Variants in MAML2 observed in about 807,000 individuals in gnomAD.
MAML2 encodes the protein mastermind like transcriptional coactivator 2, also known as mastermind-like protein 2.
A neutral mutation model predicts 96.1 loss-of-function variants in MAML2; 22 were observed. The observed-to-expected ratio is 0.23, with a 90% confidence interval of 0.16 to 0.33. The LOEUF is 0.33. MAML2 is among the 10% of genes least tolerant of loss of function. The pLI is 1.00. For synonymous variants in MAML2, 561 were observed against 521.3 expected (o/e 1.08, Z -1.04); for missense variants, 1,367 against 1,392.4 (o/e 0.98, Z 0.29).
intron 1 of MAML2, among the ~76,000 whole-genome samples, chr11:96,103,428 G>T (rs1859967533): frequency 6.6e-6 from 1 of 152,130 alleles, no homozygotes; most frequent in Non-Finnish European, 1.5e-5. Context: ...GCAACTCTTT[G>T]TCCAACTGTA....
chr11:96,337,314 C>T (rs1051760469), intron 1 of MAML2, among the ~76,000 whole-genome samples: 95 of 152,170 alleles, frequency 6.2e-4, no homozygotes, highest in African/African-American at 2.1e-3. Flanking sequence ...CAGCTCTCAA[C>T]TTTTTAATTG....
At chr11:96,263,154 C>A (rs1806219336) in intron 1 of MAML2, among the ~76,000 whole-genome samples, 3 of 152,210 alleles carry the variant, frequency 2.0e-5, no homozygotes, top group Admixed American at 1.3e-4. Context: ...GGTATACTAT[C>A]ACCTCTTTAA....
At chr11:96,097,200 G>A (rs530649303) in intron 1 of MAML2, among the ~76,000 whole-genome samples, 1 of 152,308 alleles carries the variant, frequency 6.6e-6, no homozygotes, top group African/African-American at 2.4e-5. Flanking sequence ...TACTCCAGAA[G>A]CAACAGAGGA....
In MAML2 at chr11:96,326,877, C is replaced by T. The variant is rs546356909; in HGVS notation, c.513+14506G>A. ...TATTTATTGTGAATACAAAATGTGC[C>T]AGGAACCACTAGGGCTTGGAATACT... On this transcript the variant is annotated intron_variant, in intron 1 of 4. Coordinates refer to ENST00000524717, the MANE Select transcript of MAML2 (RefSeq NM_032427.4). 7.8e-4 allele frequency among the ~76,000 whole-genome samples: 119 copies of T among 152,190 alleles called. 1 individual carries two copies. The highest frequency in any genetic ancestry group is 2.7e-3 in the African/African-American group (114 of 41,530).
intron 1 of MAML2, among the ~76,000 whole-genome samples, chr11:96,232,138 G>C (rs2155089): frequency 3.9e-5 from 6 of 152,164 alleles, no homozygotes; most frequent in African/African-American, 1.4e-4. Context: ...GGCAAATTTA[G>C]ATCCCCCCAA....
chr11:96,018,162 A>G, intron 2 of MAML2, among the ~76,000 whole-genome samples: 1 of 152,196 alleles, frequency 6.6e-6, no homozygotes. Context: ...AGTATAGGGA[A>G]GTATAGAGTT....
At chr11:96,060,827 T>C (rs1859146352) in intron 2 of MAML2, among the ~76,000 whole-genome samples, 1 of 152,230 alleles carries the variant, frequency 6.6e-6, no homozygotes. Context: ...GAGTTCTTCC[T>C]TTTAATACTG....
At chr11:96,255,384 G>A (rs1862649171) in intron 1 of MAML2, among the ~76,000 whole-genome samples, 1 of 152,180 alleles carries the variant, frequency 6.6e-6, no homozygotes, top group Non-Finnish European at 1.5e-5. Context: ...CCATTTTACA[G>A]AAGAGGAACT....
intron 1 of MAML2, among the ~76,000 whole-genome samples, chr11:96,219,540 G>A (rs1476950344): frequency 1.3e-5 from 2 of 152,182 alleles, no homozygotes; most frequent in South Asian, 2.1e-4. Context: ...ATGAGCCTAG[G>A]AGTCAGACCA....
At chr11:96,034,432 T>TGTGTGTGTGAGAGAGAGAGAGA (rs549312275) in intron 2 of MAML2, among the ~76,000 whole-genome samples, 4 of 135,656 alleles carry the variant, frequency 2.9e-5, no homozygotes, top group Non-Finnish European at 1.6e-5. Flanking sequence ...TGTGTGTGTG[T>TGTGTGTGTGAGAGAGAGAGAGA]GAGAGAGAGA....
chr11:96,221,877 T>C (rs1356629895), intron 1 of MAML2, among the ~76,000 whole-genome samples: 2 of 152,108 alleles, frequency 1.3e-5, no homozygotes, highest in Non-Finnish European at 2.9e-5. Flanking sequence ...AGCAGGAGCA[T>C]GTGGAGTTTC....
intron 1 of MAML2, among the ~76,000 whole-genome samples, chr11:96,288,778 A>G (rs1863173578): frequency 6.6e-6 from 1 of 152,202 alleles, no homozygotes; most frequent in Non-Finnish European, 1.5e-5. Flanking sequence ...TTATTTTCAG[A>G]AGCACGGCGA....
intron 1 of MAML2, among the ~76,000 whole-genome samples, chr11:96,284,982 G>C (rs1267329067): frequency 6.6e-6 from 1 of 152,120 alleles, no homozygotes; most frequent in Admixed American, 6.6e-5. Context: ...GGATGGAGTT[G>C]TGCAGTGCAT....
chr11:96,018,024 G>T (rs1479416557), intron 2 of MAML2, among the ~76,000 whole-genome samples: 3 of 152,226 alleles, frequency 2.0e-5, no homozygotes, highest in African/African-American at 7.2e-5. Context: ...AGTAAGGAAG[G>T]CTACAGGAAT....
intron 1 of MAML2, among the ~76,000 whole-genome samples, chr11:96,255,865 C>T (rs928039439): frequency 7.7e-5 from 6 of 77,942 alleles, no homozygotes; most frequent in African/African-American, 3.1e-4. Context: ...CCCCCACCGC[C>T]TTTTTTTTTT....
At chr11:96,196,470 A>G (rs1861733308) in intron 1 of MAML2, among the ~76,000 whole-genome samples, 1 of 152,244 alleles carries the variant, frequency 6.6e-6, no homozygotes, top group South Asian at 2.1e-4. Flanking sequence ...ACAGAAAAGG[A>G]GACGTGTAAA....
chr11:96,292,323 AAAG>A (rs1345920753), intron 1 of MAML2, among the ~76,000 whole-genome samples: 2 of 152,224 alleles, frequency 1.3e-5, no homozygotes, highest in Admixed American at 6.5e-5. Flanking sequence ...GACTCCATAA[AAAG>A]AAGAGTTCTG....
intron 2 of MAML2, among the ~76,000 whole-genome samples, chr11:96,000,937 T>C (rs1302095574): frequency 6.6e-6 from 1 of 152,166 alleles, no homozygotes; most frequent in Admixed American, 6.5e-5. Flanking sequence ...AAGGTCAAGC[T>C]TGAAAAAACA....
At chr11:96,282,677 A>G (rs953178376) in intron 1 of MAML2, among the ~76,000 whole-genome samples, 3 of 152,194 alleles carry the variant, frequency 2.0e-5, no homozygotes, top group Non-Finnish European at 2.9e-5. Context: ...CTGTTTTGAC[A>G]ATATAGCCAA....
Sources: allele counts gnomAD v4.1 joint callset (sites outside exome capture counted in the v4.1 genomes callset), GRCh38; gene constraint gnomAD v4.1.1; transcripts MANE v1.5; gene names NCBI Gene and HGNC (gene_info 2026-07-23, HGNC 2026-07-21).